Variants in MMADHC observed in about 807,000 individuals in gnomAD.
MMADHC encodes cobalamin trafficking protein CblD.
MMADHC carries 23 observed loss-of-function variants against 36.3 expected under a neutral mutation model. That is an observed-to-expected ratio of 0.63 (90% CI 0.46 to 0.90). MMADHC has a LOEUF of 0.90. Among genes scored for constraint, MMADHC ranks in the 40% least tolerant of loss-of-function variants. The probability of loss-of-function intolerance (pLI) is 0.00; values close to 1 mark genes in which losing one functional copy is unlikely to be tolerated. For synonymous variants in MMADHC, 97 were observed against 116.1 expected (o/e 0.84, Z 1.06); for missense variants, 330 against 348.0 (o/e 0.95, Z 0.41).
intron 6 of MMADHC, among the ~76,000 whole-genome samples, chr2:149,574,715 G>A (rs1682688886): frequency 6.6e-6 from 1 of 152,174 alleles, no homozygotes; most frequent in African/African-American, 2.4e-5. Context: ...ATAGATATTA[G>A]CATGCATAAA....
intron 6 of MMADHC, among the ~76,000 whole-genome samples, chr2:149,575,231 A>G (rs1466760957): frequency 6.6e-6 from 1 of 152,238 alleles, no homozygotes; most frequent in Non-Finnish European, 1.5e-5. Context: ...AGCAAACCAC[A>G]GAAAAAAATG....
Position 149,576,900 on chromosome 2 carries a change from C to T in MMADHC, c.373-358G>A, listed in dbSNP as rs552699271. ...ATTTAATTATCTTTTCTTCTATAAT[C>T]TGTAAAAGGGGGATAATGATACTAA... On this transcript the variant is annotated intron_variant, in intron 4 of 7. Transcript: ENST00000303319. Among the ~76,000 whole-genome samples, 323 of 152,220 alleles carry T rather than the reference C, an allele frequency of 2.1e-3. 1 individual carries two copies. The highest frequency in any genetic ancestry group is 7.2e-3 in the African/African-American group (300 of 41,530).
chr2:149,576,659 A>T, intron 4 of MMADHC, 117 bp from the exon 5 acceptor site: 1 of 726,430 alleles, frequency 1.4e-6, no homozygotes, highest in Non-Finnish European at 2.5e-6. Context: ...AAAAAATTAT[A>T]ATCTAACTGG....
intron 2 of MMADHC, among the ~76,000 whole-genome samples, chr2:149,583,289 A>G (rs528251868): frequency 6.6e-6 from 1 of 152,354 alleles, no homozygotes; most frequent in African/African-American, 2.4e-5. Flanking sequence ...TAAATTTTGA[A>G]TACAGTAAAA....
intron 2 of MMADHC, among the ~76,000 whole-genome samples, chr2:149,585,696 C>G (rs1384366389): frequency 6.6e-6 from 1 of 152,210 alleles, no homozygotes; most frequent in Non-Finnish European, 1.5e-5. Context: ...ATGTACCTGT[C>G]TAGACTCTGA....
chr2:149,587,458 C>A (rs1378445623), intron 1 of MMADHC: 5 of 371,498 alleles, frequency 1.3e-5, no homozygotes, highest in Admixed American at 1.3e-4. Context: ...GCTGCTTTAA[C>A]AGAAGTTGGG....
Position 149,579,621 on chromosome 2 carries a change from G to C in MMADHC, c.182C>G (p.Thr61Ser), listed in dbSNP as rs747475934. The C allele has an allele frequency of 6.2e-7, 1 of 1,613,952 alleles. No individual in the cohort carries two copies. Among genetic ancestry groups the C allele is most frequent in the East Asian group, 2.2e-5 (1 of 44,864 alleles). ...ATCTTGAGGTCCAAAGGGTCCCATA[G>C]TTTCATCAGGCCACACTGTTCGAGA... ...ICSRTVWPDE[T>S]MGPFGPQDQR... Residue 61 changes from threonine to serine, a missense_variant, in exon 4 of 8, where the codon ACT becomes AGT. By Grantham distance (58) the Thr-to-Ser change is moderately conservative. Coordinates refer to ENST00000303319, the MANE Select transcript of MMADHC (RefSeq NM_015702.3).
At chr2:149,577,445 C>G (rs4413131) in intron 4 of MMADHC, among the ~76,000 whole-genome samples, 102,352 of 152,050 alleles carry the variant, frequency 0.67, 37,482 homozygotes, top group East Asian at 0.86. Context: ...GGTAAGGGAT[C>G]AAAATTATGA....
In MMADHC at chr2:149,582,450, A is replaced by T. The variant is rs114456447; in HGVS notation, c.10-179T>A. On this transcript the variant is annotated intron_variant, in intron 2 of 7. Transcript: ENST00000303319. ...TATTTGTAATTTTAAAAATAAAAATAAAAATTAAAAAAACAAGTAATAAGT... is the reference window on the plus strand; with the variant it reads ...TATTTGTAATTTTAAAAATAAAAATTAAAATTAAAAAAACAAGTAATAAGT... 0.014 allele frequency among the ~76,000 whole-genome samples: 2,125 copies of T among 152,196 alleles called. 39 individuals are homozygous for T. Among genetic ancestry groups the T allele is most frequent in the East Asian group, 0.062 (319 of 5,182 alleles).
chr2:149,576,578 G>A, intron 4 of MMADHC, 36 bp from the exon 5 acceptor site: 2 of 1,384,704 alleles, frequency 1.4e-6, no homozygotes, highest in Non-Finnish European at 2.1e-6. Flanking sequence ...ACAAAATCTG[G>A]AGTTCAAATA....
intron 3 of MMADHC, 27 bp from the exon 4 acceptor site, chr2:149,579,675 T>C (rs760548852): frequency 1.3e-6 from 2 of 1,582,440 alleles, no homozygotes; most frequent in Admixed American, 3.4e-5. Context: ...AAAGGAACAG[T>C]TTCTCCTTAA....
chr2:149,580,802 T>C (rs1389352588), intron 3 of MMADHC, among the ~76,000 whole-genome samples: 1 of 152,028 alleles, frequency 6.6e-6, no homozygotes, highest in Non-Finnish European at 1.5e-5. Flanking sequence ...ACATAAACAC[T>C]CTAGTCCAGT....
chr2:149,586,254 T>C (rs1012288817), intron 2 of MMADHC, among the ~76,000 whole-genome samples: 1 of 152,216 alleles, frequency 6.6e-6, no homozygotes, highest in Non-Finnish European at 1.5e-5. Context: ...AAGGCTCTCA[T>C]TTACTTGGTA....
At chr2:149,583,818 T>C (rs1216368994) in intron 2 of MMADHC, among the ~76,000 whole-genome samples, 1 of 152,210 alleles carries the variant, frequency 6.6e-6, no homozygotes, top group Admixed American at 6.5e-5. Context: ...CTCCCTTCCC[T>C]TACTCTACTT....
chr2:149,571,178 TG>T lies in MMADHC; in HGVS notation c.610-8del. 3 of 1,585,562 alleles carry T rather than the reference TG, an allele frequency of 1.9e-6. No homozygotes were observed. Among genetic ancestry groups the T allele is most frequent in the Non-Finnish European group, 2.6e-6 (3 of 1,158,092 alleles). On this transcript the variant is annotated splice_region_variant and splice_polypyrimidine_tract_variant and intron_variant, in intron 6 of 7. Coordinates refer to ENST00000303319, the MANE Select transcript of MMADHC (RefSeq NM_015702.3). ...CCTTAGCACCATTGATGAACTGCAA[TG>T]GAAGTCACAAATAATATGCTTAAGA... is the stretch of plus-strand genomic sequence containing the variant.
intron 4 of MMADHC, among the ~76,000 whole-genome samples, chr2:149,578,919 G>GAA (rs199772659): frequency 2.4e-5 from 3 of 125,248 alleles, no homozygotes; most frequent in Admixed American, 1.5e-4. Flanking sequence ...GTTTAAAAAT[G>GAA]AAAAAAAAAA....
At chr2:149,576,299 T>G in intron 5 of MMADHC, 138 bp downstream of exon 5, 1 of 691,988 alleles carries the variant, frequency 1.4e-6, no homozygotes, top group South Asian at 1.7e-5. Context: ...AGCCTTTATC[T>G]TGGCCATGCA....
At chr2:149,586,794 C>A in intron 2 of MMADHC, 1 of 403,810 alleles carries the variant, frequency 2.5e-6, no homozygotes. Flanking sequence ...TAAAAAAGGG[C>A]CTAAACATAG....
intron 5 of MMADHC, 100 bp downstream of exon 5, chr2:149,576,337 A>G (rs937175072): frequency 4.2e-5 from 35 of 841,186 alleles, no homozygotes; most frequent in Non-Finnish European, 1.0e-5. Flanking sequence ...ACGGTAAAAT[A>G]TAATATTAAG....
Sources: allele counts gnomAD v4.1 joint callset (sites outside exome capture counted in the v4.1 genomes callset), GRCh38; gene constraint gnomAD v4.1.1; transcripts MANE v1.5; gene names NCBI Gene and HGNC (gene_info 2026-07-23, HGNC 2026-07-21).